Variants in STAB1 observed in about 807,000 individuals in gnomAD.
The protein encoded by STAB1 is stabilin-1.
In STAB1, 250 loss-of-function variants were observed where a neutral mutation model predicts 332.4. The ratio of observed to expected loss-of-function variants is 0.75; its 90% CI spans 0.68 to 0.84. The LOEUF (loss-of-function observed/expected upper bound fraction) is 0.84. STAB1 is among the 40% of genes least tolerant of loss of function. The pLI, the probability that STAB1 is intolerant of heterozygous loss-of-function variation, is 0.00. For missense variants in STAB1, 3,249 were observed against 3,489.7 expected, an observed-to-expected ratio of 0.93 and a Z score of 1.74; for synonymous variants, 1,475 against 1,390.4, an observed-to-expected ratio of 1.06 and a Z score of -1.35.
Position 52,517,618 on chromosome 3 carries a change from C to CT in STAB1, c.4633dup (p.Ser1545PhefsTer2). 1 of 1,612,794 alleles carries CT rather than the reference C, an allele frequency of 6.2e-7. No individual in the cohort carries two copies. The highest frequency in any genetic ancestry group is 2.2e-5 in the East Asian group (1 of 44,874). Reference sequence around the variant, plus strand: ...GGACCTGCGAGCTCCTGGACCCCTGCTCTAAGGTCAGGACCCTAGTCCTGT... The same window carrying CT: ...GGACCTGCGAGCTCCTGGACCCCTGCTTCTAAGGTCAGGACCCTAGTCCTGT... On this transcript the variant is annotated frameshift_variant, in exon 44 of 69. Coordinates refer to ENST00000321725, the MANE Select transcript of STAB1 (RefSeq NM_015136.3). LOFTEE classifies it high-confidence loss of function.
At chr3:52,507,756 G>T (rs1708982922) in intron 19 of STAB1, 81 bp downstream of exon 19, 2 of 1,571,282 alleles carry the variant, frequency 1.3e-6, no homozygotes, top group Admixed American at 3.4e-5. Context: ...GGTGGGTGGG[G>T]GAAGCAGAGG....
intron 19 of STAB1, 111 bp downstream of exon 19, chr3:52,507,786 C>T: frequency 1.3e-6 from 2 of 1,500,080 alleles, no homozygotes; most frequent in Non-Finnish European, 9.2e-7. Flanking sequence ...TAGATCACAC[C>T]TGGAGGCTAA....
At chr3:52,506,470 G>A (rs1196902721) in intron 17 of STAB1, among the ~76,000 whole-genome samples, 1 of 152,238 alleles carries the variant, frequency 6.6e-6, no homozygotes, top group Non-Finnish European at 1.5e-5. Flanking sequence ...GCACACGGTA[G>A]GGCTGCCCCA....
At chr3:52,517,753 G>T in intron 44 of STAB1, 128 bp from the exon 45 acceptor site, 1 of 1,564,124 alleles carries the variant, frequency 6.4e-7, no homozygotes, top group East Asian at 2.3e-5. Flanking sequence ...CGTCAAGCTC[G>T]AGTTTAATCA....
At chr3:52,503,957 C>G (rs1013001978) in intron 9 of STAB1, 55 bp downstream of exon 9, 1 of 1,594,212 alleles carries the variant, frequency 6.3e-7, no homozygotes, top group Admixed American at 1.7e-5. Context: ...GTGCCCTCTG[C>G]GGGAAGGCGT....
At chr3:52,518,922 CGCGCCATTGCCCCAGGCCCCACG>C in intron 48 of STAB1, 53 bp downstream of exon 48, 1 of 1,448,758 alleles carries the variant, frequency 6.9e-7, no homozygotes, top group Non-Finnish European at 9.1e-7. Context: ...CCCGCCCCTG[CGCGCCATTGCCCCAGGCCCCACG>C]GCCCACGCAG....
Position 52,513,254 on chromosome 3 carries a change from C to G in STAB1, c.3270+13C>G. On this transcript the variant is annotated intron_variant, in intron 30 of 68. Coordinates refer to ENST00000321725, the MANE Select transcript of STAB1 (RefSeq NM_015136.3). ...CAACATTAGTGGGGTATGTGGTGAA[C>G]TCTGGGCAGAAAAGGGGACCAGGTA... 2 of 1,558,306 alleles carry G rather than the reference C, an allele frequency of 1.3e-6. No individual in the cohort carries two copies. The highest frequency in any genetic ancestry group is 1.7e-6 in the Non-Finnish European group (2 of 1,152,272).
chr3:52,504,369 C>A, intron 10 of STAB1, 92 bp from the exon 11 acceptor site: 1 of 1,442,076 alleles, frequency 6.9e-7, no homozygotes, highest in Non-Finnish European at 9.7e-7. Context: ...CCCACCCCAA[C>A]TCCCCCACAC....
In STAB1 at chr3:52,508,315, C is replaced by T; in HGVS notation, c.2191C>T (p.Gln731Ter). Residue 731 changes from glutamine to a stop codon, truncating the protein, a stop_gained, in exon 21 of 69, where the codon CAG becomes TAG. Coordinates refer to ENST00000321725, the MANE Select transcript of STAB1 (RefSeq NM_015136.3). LOFTEE classifies it high-confidence loss of function. Reference sequence around the variant, plus strand: ...AGGTTTTTTCGGGCCTGACTGCACGCAGTGTCCTGGGGGCTTCTCCAACCC... The same window carrying T: ...AGGTTTTTTCGGGCCTGACTGCACGTAGTGTCCTGGGGGCTTCTCCAACCC... ...CKGFFGPDCT[Q>*]CPGGFSNPCY... is the part of the protein sequence containing the mutation. 6.2e-7 allele frequency: 1 copy of T among 1,613,914 alleles called. No homozygotes were observed. The highest frequency in any genetic ancestry group is 8.5e-7 in the Non-Finnish European group (1 of 1,179,914).
chr3:52,512,465 C>T, intron 27 of STAB1, 29 bp downstream of exon 27: 3 of 1,610,002 alleles, frequency 1.9e-6, no homozygotes, highest in Non-Finnish European at 2.5e-6. Context: ...CGTTTTCTGT[C>T]TTCCCCGTGC....
Position 52,501,621 on chromosome 3 carries a change from C to T in STAB1, c.216-17C>T. The stretch of plus-strand genomic sequence containing the variant: ...AAGGGAGCCTTTTCCATCACCCTGC[C>T]CACCCTCTGCCCCCAGCTACGAAGT... On this transcript the variant is annotated splice_polypyrimidine_tract_variant and intron_variant, in intron 2 of 68. Transcript: ENST00000321725. The T allele has an allele frequency of 6.5e-7, 1 of 1,548,192 alleles. No homozygotes were observed. Among genetic ancestry groups the T allele is most frequent in the Admixed American group, 2.0e-5 (1 of 51,114 alleles).
At chr3:52,517,743 C>T (rs558344826) in intron 44 of STAB1, 119 bp downstream of exon 44, 139 of 1,553,268 alleles carry the variant, frequency 8.9e-5, no homozygotes, top group Non-Finnish European at 1.1e-4. Flanking sequence ...GCTATCCTCC[C>T]GTCAAGCTCG....
In STAB1 at chr3:52,506,158, C is replaced by A. The variant is rs761001937; in HGVS notation, c.1750-12C>A. Reference sequence around the variant, plus strand: ...AGAGCCCAGCCTAAAGCCACACTGTCCCTTGCCCCAGCTGACCGTTGAGAA... The same window carrying A: ...AGAGCCCAGCCTAAAGCCACACTGTACCTTGCCCCAGCTGACCGTTGAGAA... On this transcript the variant is annotated splice_polypyrimidine_tract_variant and intron_variant, in intron 16 of 68. Transcript: ENST00000321725. 1.7e-5 allele frequency: 28 copies of A among 1,608,582 alleles called. No individual in the cohort carries two copies. The highest frequency in any genetic ancestry group is 2.2e-5 in the Non-Finnish European group (26 of 1,177,796).
In STAB1 at chr3:52,501,653, G is replaced by T. The variant is rs750377788; in HGVS notation, c.231G>T (p.Leu77=). ...CTGCCCCCAGCTACGAAGTACAGCT[G>T]GGGGGCTCTATGGTGTCCATGAGCG... ...ITQDCRYEVQ[L]GGSMVSMSGC... is the part of the protein sequence containing the mutation. The change falls in exon 3 of 69, where the codon CTG becomes CTT. Residue 77 remains leucine, a synonymous_variant. Transcript: ENST00000321725. 6.4e-6 allele frequency: 10 copies of T among 1,567,200 alleles called. No individual in the cohort carries two copies. The Admixed American group carries it at 9.4e-5, about 15-fold the overall frequency.
chr3:52,508,367 C>T lies in STAB1; in HGVS notation c.2235+8C>T. On this transcript the variant is annotated splice_region_variant and intron_variant, in intron 21 of 68. Coordinates refer to ENST00000321725, the MANE Select transcript of STAB1 (RefSeq NM_015136.3). ...TGCTATGGCAAAGGCAATGTGAGTCCCATCCTCTCCTGGGGTGAGGTATGG... is the reference window on the plus strand; with the variant it reads ...TGCTATGGCAAAGGCAATGTGAGTCTCATCCTCTCCTGGGGTGAGGTATGG... 1 of 1,613,394 alleles carries T rather than the reference C, an allele frequency of 6.2e-7. No homozygotes were observed. The highest frequency in any genetic ancestry group is 2.2e-5 in the East Asian group (1 of 44,882).
At position 52,505,766 on chromosome 3, in the gene STAB1, C is replaced by A; in HGVS notation, c.1680C>A (p.Ile560=). 1 of 1,613,878 alleles carries A rather than the reference C, an allele frequency of 6.2e-7. No individual in the cohort carries two copies. Among genetic ancestry groups the A allele is most frequent in the Non-Finnish European group, 8.5e-7 (1 of 1,180,038 alleles). Reference sequence around the variant, plus strand: ...ACAGCTTGCGTGACGGCCGCCTGATCTACCTCTTCACAGCGGTAAGCTCAG... The same window carrying A: ...ACAGCTTGCGTGACGGCCGCCTGATATACCTCTTCACAGCGGTAAGCTCAG... ...AVDSLRDGRL[I]YLFTAGLSKL... Residue 560 remains isoleucine, a synonymous_variant, in exon 15 of 69, where the codon ATC becomes ATA. Transcript: ENST00000321725.
rs975667834 is a variant in STAB1, at chr3:52,521,177, C to T, written c.5908+172C>T. 5.3e-5 allele frequency among the ~76,000 whole-genome samples: 8 copies of T among 152,102 alleles called. No homozygotes were observed. In the East Asian group the frequency reaches 9.6e-4, roughly 18 times the overall value. On this transcript the variant is annotated intron_variant, in intron 55 of 68. Coordinates refer to ENST00000321725, the MANE Select transcript of STAB1 (RefSeq NM_015136.3). ...GGGAGAGGCATGGCGGTAGTGTGGA[C>T]GGTGCAGAACCTGGGGAGGAGTGCT...
chr3:52,495,660 G>C (rs1707962838), intron 1 of STAB1, among the ~76,000 whole-genome samples, 169 bp downstream of exon 1: 1 of 152,222 alleles, frequency 6.6e-6, no homozygotes, highest in African/African-American at 2.4e-5. Context: ...CACCTCCCCA[G>C]TCTGAGGTCT....
chr3:52,519,472 C>T (rs749832811), intron 49 of STAB1, 33 bp from the exon 50 acceptor site: 3 of 1,612,848 alleles, frequency 1.9e-6, no homozygotes. Context: ...CCCTTCCCGC[C>T]TGGCCTAGCT....
Sources: gnomAD v4.1 joint callset for allele counts (sites outside exome capture counted in the v4.1 genomes callset) on GRCh38, gnomAD v4.1.1 for gene constraint, MANE v1.5 for transcripts, NCBI Gene and HGNC (gene_info 2026-07-23, HGNC 2026-07-21) for gene names.